The following EVPL variants were observed in gnomAD, a reference collection of about 807,000 sequenced individuals.
EVPL encodes the protein envoplakin.
Under a neutral mutation model 129.7 loss-of-function variants are expected in EVPL, and 94 were observed. The observed-to-expected ratio is 0.72, with a 90% CI of 0.61 to 0.86. EVPL has a LOEUF of 0.86. Among genes scored for constraint, EVPL ranks in the 40% least tolerant of loss-of-function variants. The pLI is 0.00. For missense variants in EVPL, 2,625 were observed against 2,721.1 expected (o/e 0.96, Z 0.79); for synonymous variants, 1,172 against 1,191.1 (o/e 0.98, Z 0.33).
Position 76,018,983 on chromosome 17 carries a change from C to T in EVPL, c.1215G>A (p.Leu405=), listed in dbSNP as rs1380552142. The T allele has an allele frequency of 3.2e-6, 5 of 1,566,196 alleles. No homozygotes were observed. The highest frequency in any genetic ancestry group is 2.4e-5 in the East Asian group (1 of 42,118). ...LQRRSRDVAP[L]PQRRNPPQQP... The stretch of plus-strand genomic sequence containing the variant: ...GCTGAGGGGGGTTTCTTCGCTGTGG[C>T]AGAGGGGCCACATCCCGGCTTCGCC... The change falls in exon 11 of 22, where the codon CTG becomes CTA. Residue 405 remains leucine, a synonymous_variant. Transcript: ENST00000301607.
rs765296754 is a variant in EVPL, at chr17:76,007,716, A to T, written c.5489T>A (p.Ile1830Asn). The T allele has an allele frequency of 1.2e-6, 2 of 1,613,178 alleles. No individual in the cohort carries two copies. The highest frequency in any genetic ancestry group is 2.2e-5 in the East Asian group (1 of 44,848). The change falls in exon 22 of 22, where the codon ATC becomes AAC. Residue 1830 changes from isoleucine to asparagine, a missense_variant. Coordinates refer to ENST00000301607, the MANE Select transcript of EVPL (RefSeq NM_001988.4). The surrounding 1 kb of genome is among the most constrained non-coding windows in gnomAD (Gnocchi z 8.8). ...CTTGTTGTCTGTGGTTGTGTCATAG[A>T]TCCCGGCGATAGGGAAGCTGTCATC... ...LGDDSFPIAG[I>N]YDTTTDNKCS...
At chr17:76,012,200 A>G in intron 18 of EVPL, 111 bp from the exon 19 acceptor site, 2 of 747,378 alleles carry the variant, frequency 2.7e-6, no homozygotes, top group East Asian at 2.7e-5. Context: ...CCCAGGGACA[A>G]GAAAGGGCAG....
At chr17:76,023,266 C>G (rs1490921596) in intron 4 of EVPL, 26 bp downstream of exon 4, 1 of 1,613,488 alleles carries the variant, frequency 6.2e-7, no homozygotes, top group African/African-American at 1.3e-5. Flanking sequence ...TCTGATCACA[C>G]TGGGGTGTGA....
Position 76,022,499 on chromosome 17 carries a change from C to A in EVPL, c.520G>T (p.Glu174Ter). The change falls in exon 5 of 22, where the codon GAG becomes TAG. Residue 174 changes from glutamate to a stop codon, truncating the protein, a stop_gained. Coordinates refer to ENST00000301607, the MANE Select transcript of EVPL (RefSeq NM_001988.4). LOFTEE classifies it high-confidence loss of function. This position sits in a 1 kb window ranked among gnomAD's most constrained non-coding sequence, Gnocchi z 5.6. ...CAGQYGPGMAELEQQIAEHNI... is the reference protein window; with the variant it reads ...CAGQYGPGMA ...TGCTCGGCGATCTGTTGCTCCAGCT[C>A]CGCCATGCCCGGCCCGTACTGGCCT... 1 of 1,611,586 alleles carries A rather than the reference C, an allele frequency of 6.2e-7. No individual in the cohort carries two copies. The highest frequency in any genetic ancestry group is 8.5e-7 in the Non-Finnish European group (1 of 1,179,210).
chr17:76,019,130 C>A, intron 10 of EVPL, 70 bp from the exon 11 acceptor site: 4 of 1,435,660 alleles, frequency 2.8e-6, no homozygotes, highest in East Asian at 5.4e-5. Flanking sequence ...CATACCTGTC[C>A]TTCAAAAGGC....
intron 9 of EVPL, among the ~76,000 whole-genome samples, 186 bp from the exon 10 acceptor site, chr17:76,019,839 G>C (rs188610233): frequency 1.3e-4 from 19 of 151,162 alleles, no homozygotes; most frequent in African/African-American, 4.6e-4. Flanking sequence ...CGCTAAGCCA[G>C]CTAAACCTAA....
Position 76,026,934 on chromosome 17 carries a change from G to T in EVPL, c.98+167C>A, listed in dbSNP as rs564372446. On this transcript the variant is annotated intron_variant, in intron 1 of 21. Transcript: ENST00000301607. ...TCGGCCTGGGCCTGCGGCTCCCAAG[G>T]CAGGGAGAGAGTCCATCCCTGGGCC... is the stretch of plus-strand genomic sequence containing the variant. Among the ~76,000 whole-genome samples, 13 of 152,368 alleles carry T rather than the reference G, an allele frequency of 8.5e-5. No homozygotes were observed. The East Asian group carries it at 2.5e-3, about 29-fold the overall frequency.
chr17:76,024,057 C>T lies in EVPL; in HGVS notation c.162G>A (p.Glu54=), dbSNP rs772074537. ...SRMQANADQV[E]RDILETQKRL... Reference sequence around the variant, plus strand: ...TCTTCTGCGTCTCCAGGATGTCCCGCTCCACCTGGTCGGCGTTGGCTTGCA... The same window carrying T: ...TCTTCTGCGTCTCCAGGATGTCCCGTTCCACCTGGTCGGCGTTGGCTTGCA... The change falls in exon 2 of 22, where the codon GAG becomes GAA. Residue 54 remains glutamate (E), a synonymous_variant. Coordinates refer to ENST00000301607, the MANE Select transcript of EVPL (RefSeq NM_001988.4). The surrounding 1 kb of genome is among the most constrained non-coding windows in gnomAD (Gnocchi z 4.5). 2.5e-6 allele frequency: 4 copies of T among 1,613,848 alleles called. No individual in the cohort carries two copies. The highest frequency in any genetic ancestry group is 3.4e-6 in the Non-Finnish European group (4 of 1,179,988).
In EVPL at chr17:76,024,373, C is replaced by G. The variant is rs1448030394; in HGVS notation, c.99-253G>C. ...GTGGTGCTGGGGAGGGGGCAGGCGG[C>G]CTCGGTGTCCCAGCCTTAGCCAGCT... is the stretch of plus-strand genomic sequence containing the variant. On this transcript the variant is annotated intron_variant, in intron 1 of 21. Transcript: ENST00000301607. The surrounding 1 kb of genome is among the most constrained non-coding windows in gnomAD (Gnocchi z 4.5). Among the ~76,000 whole-genome samples, 2 of 151,264 alleles carry G rather than the reference C, an allele frequency of 1.3e-5. No individual in the cohort carries two copies. The highest frequency in any genetic ancestry group is 3.0e-5 in the Non-Finnish European group (2 of 67,674).
At position 76,009,831 on chromosome 17, in the gene EVPL, C is replaced by T. The variant is rs779240634; in HGVS notation, c.3374G>A (p.Arg1125Gln). The T allele has an allele frequency of 1.3e-5, 21 of 1,613,878 alleles. No homozygotes were observed. Among genetic ancestry groups the T allele is most frequent in the African/African-American group, 9.3e-5 (7 of 74,908 alleles). Residue 1125 changes from arginine (R) to glutamine (Q), a missense_variant, in exon 22 of 22, where the codon CGG (arginine) becomes CAG (glutamine). Arg to Gln is a conservative substitution (Grantham distance 43). Transcript: ENST00000301607. This position sits in a 1 kb window ranked among gnomAD's most constrained non-coding sequence, Gnocchi z 5.9. The stretch of plus-strand genomic sequence containing the variant: ...CTTGGGCTCCACCGAGCTGATAGCC[C>T]GCTCCAGGTCTTCGATGCGAGCCTG... ...KLQARIEDLERAISSVEPKVI... is the reference protein window; with the variant it reads ...KLQARIEDLEQAISSVEPKVI...
chr17:76,015,643 G>A lies in EVPL; in HGVS notation c.1711-15C>T, dbSNP rs775463632. 1.2e-6 allele frequency: 2 copies of A among 1,605,178 alleles called. No individual in the cohort carries two copies. Among genetic ancestry groups the A allele is most frequent in the African/African-American group, 1.3e-5 (1 of 74,716 alleles). On this transcript the variant is annotated splice_polypyrimidine_tract_variant and intron_variant, in intron 14 of 21. Coordinates refer to ENST00000301607, the MANE Select transcript of EVPL (RefSeq NM_001988.4). ...TGGGCTGTGCCCTAAAGAGGGGCGGGGTCAGGGATCTCTGGGCAGGTGGGT... is the reference window on the plus strand; with the variant it reads ...TGGGCTGTGCCCTAAAGAGGGGCGGAGTCAGGGATCTCTGGGCAGGTGGGT...
chr17:76,015,680 C>A, intron 14 of EVPL, 52 bp from the exon 15 acceptor site: 1 of 1,553,342 alleles, frequency 6.4e-7, no homozygotes, highest in Non-Finnish European at 8.7e-7. Flanking sequence ...CCGCCCGACT[C>A]TTCTACCAGG....
chr17:76,015,075 C>A lies in EVPL; in HGVS notation c.2063G>T (p.Cys688Phe). The A allele has an allele frequency of 6.3e-7, 1 of 1,580,484 alleles. No homozygotes were observed. Among genetic ancestry groups the A allele is most frequent in the Non-Finnish European group, 8.6e-7 (1 of 1,165,248 alleles). ...CAGCGCGCGGTGTAGCCGCAGCACG[C>A]AGGTCTGCTGTTCCAGCAGCTCCCT... ...QRRELLEQQT[C>F]VLRLHRALKA... The change falls in exon 17 of 22, where the codon TGC (cysteine) becomes TTC (phenylalanine). Residue 688 changes from cysteine (C) to phenylalanine (F), a missense_variant. This residue lies in a region of EVPL where 1,024 missense variants were observed against 997.5 expected (regional missense o/e 1.03). Coordinates refer to ENST00000301607, the MANE Select transcript of EVPL (RefSeq NM_001988.4).
At chr17:76,019,920 C>T (rs1194389149) in intron 9 of EVPL, among the ~76,000 whole-genome samples, 1 of 150,646 alleles carries the variant, frequency 6.6e-6, no homozygotes, top group East Asian at 1.9e-4. Context: ...ACCAGCTAAA[C>T]TTAAACCAGC....
At position 76,009,204 on chromosome 17, in the gene EVPL, C is replaced by T. The variant is rs755060864; in HGVS notation, c.4001G>A (p.Arg1334His). The T allele has an allele frequency of 4.3e-6, 7 of 1,609,542 alleles. No individual in the cohort carries two copies. The South Asian group carries it at 4.4e-5, about 10-fold the overall frequency. The change falls in exon 22 of 22, where the codon CGC becomes CAC. Residue 1334 changes from arginine (R) to histidine (H), a missense_variant. By Grantham distance (29) the Arg-to-His change is conservative (BLOSUM62 0). Around this residue, in one of 4 missense-constraint regions of EVPL, gnomAD observed 1,453 missense variants for 1,511.8 expected, o/e 0.96. Coordinates refer to ENST00000301607, the MANE Select transcript of EVPL (RefSeq NM_001988.4). The surrounding 1 kb of genome is among the most constrained non-coding windows in gnomAD (Gnocchi z 5.9). ...CTGGGCCGCCTCCCGCACCTCCTGG[C>T]GGAGCCGCTCTGCTTCTTTCTCCAG... ...PVLEKEAERL[R>H]QEVREAAQKR...
Position 76,009,809 on chromosome 17 carries a change from G to T in EVPL, c.3396C>A (p.Pro1132=). ...DLERAISSVE[P]KVIVKEVKKV... Reference sequence around the variant, plus strand: ...TCTTCACCTCCTTCACGATGACCTTGGGCTCCACCGAGCTGATAGCCCGCT... The same window carrying T: ...TCTTCACCTCCTTCACGATGACCTTTGGCTCCACCGAGCTGATAGCCCGCT... The change falls in exon 22 of 22, where the codon CCC becomes CCA. Residue 1132 remains proline (P), a synonymous_variant. Transcript: ENST00000301607. This position sits in a 1 kb window ranked among gnomAD's most constrained non-coding sequence, Gnocchi z 5.9. 6.2e-7 allele frequency: 1 copy of T among 1,613,912 alleles called. No individual in the cohort carries two copies. Among genetic ancestry groups the T allele is most frequent in the Non-Finnish European group, 8.5e-7 (1 of 1,179,986 alleles).
chr17:76,007,382 G>A lies in EVPL; in HGVS notation c.5823C>T (p.Thr1941=), dbSNP rs17886642. The A allele has an allele frequency of 0.048, 76,137 of 1,598,564 alleles. 2,033 individuals are homozygous for A. The highest frequency in any genetic ancestry group is 0.12 in the Middle Eastern group (737 of 6,006). ...VLPHLQVQHL[T]GGLIDPKRTG... is the part of the protein sequence containing the mutation. Reference sequence around the variant, plus strand: ...TCCTCTTGGGGTCGATGAGCCCCCCGGTCAGGTGCTGCACCTGCAGGTGTG... The same window carrying A: ...TCCTCTTGGGGTCGATGAGCCCCCCAGTCAGGTGCTGCACCTGCAGGTGTG... The change falls in exon 22 of 22, where the codon ACC becomes ACT. Residue 1941 remains threonine (T), a synonymous_variant. Transcript: ENST00000301607. This position sits in a 1 kb window ranked among gnomAD's most constrained non-coding sequence, Gnocchi z 8.8.
In EVPL at chr17:76,009,839, G is replaced by C; in HGVS notation, c.3366C>G (p.Asp1122Glu). The change falls in exon 22 of 22, where the codon GAC (aspartate) becomes GAG (glutamate). Residue 1122 changes from aspartate to glutamate, a missense_variant. By Grantham distance (45) the Asp-to-Glu change is conservative (BLOSUM62 2). This residue lies in a region of EVPL where 1,453 missense variants were observed against 1,511.8 expected (regional missense o/e 0.96). Transcript: ENST00000301607. This position sits in a 1 kb window ranked among gnomAD's most constrained non-coding sequence, Gnocchi z 5.9. ...CCACCGAGCTGATAGCCCGCTCCAG[G>C]TCTTCGATGCGAGCCTGTAGCTTGG... ...AVAKLQARIE[D>E]LERAISSVEP... 1 of 1,613,944 alleles carries C rather than the reference G, an allele frequency of 6.2e-7. No homozygotes were observed. The highest frequency in any genetic ancestry group is 8.5e-7 in the Non-Finnish European group (1 of 1,179,992).
intron 21 of EVPL, among the ~76,000 whole-genome samples, chr17:76,011,276 A>AT (rs1465408565): frequency 6.6e-6 from 1 of 151,850 alleles, no homozygotes. Context: ...GCTCTAGGGG[A>AT]TTTTCTCTGC....
Sources: gnomAD v4.1 joint callset for allele counts (sites outside exome capture counted in the v4.1 genomes callset) on GRCh38, gnomAD v4.1.1 for gene constraint, gnomAD v4.1.1 regional missense constraint, Gnocchi (gnomAD v3.1) non-coding constraint, MANE v1.5 for transcripts, NCBI Gene and HGNC (gene_info 2026-07-23, HGNC 2026-07-21) for gene names.